The following MTHFD2L variants were observed in gnomAD, a reference collection of about 807,000 sequenced individuals.
The protein encoded by MTHFD2L is methylenetetrahydrofolate dehydrogenase (NADP+ dependent) 2 like.
A neutral mutation model predicts 34.9 loss-of-function variants in MTHFD2L; 29 were observed. That is an observed-to-expected ratio of 0.83 (90% CI 0.62 to 1.13). The LOEUF (loss-of-function observed/expected upper bound fraction) is 1.13, where lower values mean the gene tolerates loss of function less well. Among genes scored for constraint, MTHFD2L ranks in the 50% most tolerant of loss-of-function variants. MTHFD2L has a pLI of 0.00. For missense variants in MTHFD2L, 481 were observed against 446.5 expected (o/e 1.08, Z -0.70); for synonymous variants, 167 against 155.7 (o/e 1.07, Z -0.54).
At chr4:74,121,067 A>G (rs1721745661), upstream of MTHFD2L, among the ~76,000 whole-genome samples, 1 of 152,202 alleles carries the variant, frequency 6.6e-6, no homozygotes. Flanking sequence ...AAAATTAGCA[A>G]AGATTTTGAA....
At chr4:74,274,561 G>C (rs1428895143) in intron 6 of MTHFD2L, among the ~76,000 whole-genome samples, 1 of 152,182 alleles carries the variant, frequency 6.6e-6, no homozygotes, top group African/African-American at 2.4e-5. Flanking sequence ...GATCTTTGTG[G>C]ATCTTTAAGA....
chr4:74,170,779 C>T (rs1727767247), intron 1 of MTHFD2L, among the ~76,000 whole-genome samples: 1 of 151,684 alleles, frequency 6.6e-6, no homozygotes, highest in Admixed American at 6.6e-5. Context: ...ACATATACAC[C>T]ATGGGCTACT....
chr4:74,231,313 C>T (rs571233585), intron 6 of MTHFD2L, among the ~76,000 whole-genome samples: 2 of 152,184 alleles, frequency 1.3e-5, no homozygotes, highest in East Asian at 3.9e-4. Flanking sequence ...ATTTCCTCCT[C>T]CTTGAAACAG....
At chr4:74,260,684 T>C (rs889045653) in intron 6 of MTHFD2L, among the ~76,000 whole-genome samples, 1 of 152,022 alleles carries the variant, frequency 6.6e-6, no homozygotes, top group East Asian at 1.9e-4. Context: ...AACAGAAACA[T>C]TATTTCATTC....
At chr4:74,154,848 T>C (rs1442222107), upstream of MTHFD2L, among the ~76,000 whole-genome samples, 2 of 152,168 alleles carry the variant, frequency 1.3e-5, no homozygotes, top group Non-Finnish European at 2.9e-5. Context: ...TATATGTATG[T>C]AAACTAACTC....
At chr4:74,160,306 A>T (rs542271313) in intron 1 of MTHFD2L, 8 of 320,074 alleles carry the variant, frequency 2.5e-5, no homozygotes, top group South Asian at 2.1e-4. Flanking sequence ...TTAAATTAAC[A>T]GATTTATCAC....
intron 1 of MTHFD2L, among the ~76,000 whole-genome samples, chr4:74,129,668 A>C (rs1387227020): frequency 2.6e-5 from 4 of 152,170 alleles, no homozygotes; most frequent in Non-Finnish European, 1.5e-5. Flanking sequence ...ATTACAATTA[A>C]GAGAACTGGA....
At chr4:74,201,223 G>C in intron 4 of MTHFD2L, 40 bp from the exon 5 acceptor site, 2 of 1,473,684 alleles carry the variant, frequency 1.4e-6, no homozygotes, top group Non-Finnish European at 1.9e-6. Flanking sequence ...TTTACTTCTT[G>C]TTGTCAATTC....
intron 6 of MTHFD2L, among the ~76,000 whole-genome samples, chr4:74,250,303 T>G (rs984956344): frequency 1.3e-5 from 2 of 152,244 alleles, no homozygotes; most frequent in Non-Finnish European, 2.9e-5. Flanking sequence ...CACTCTCTAA[T>G]TTAATTCATG....
At chr4:74,236,812 A>T (rs943212110) in intron 6 of MTHFD2L, among the ~76,000 whole-genome samples, 5 of 152,216 alleles carry the variant, frequency 3.3e-5, no homozygotes, top group Non-Finnish European at 5.9e-5. Context: ...CTTCATCAAG[A>T]GACTCCAATA....
intron 1 of MTHFD2L, among the ~76,000 whole-genome samples, chr4:74,164,088 G>A (rs928452403): frequency 4.6e-5 from 7 of 152,122 alleles, no homozygotes; most frequent in Non-Finnish European, 1.0e-4. Context: ...TGTTAGCCAG[G>A]ATGCGTCTTG....
chr4:74,126,392 T>C (rs1310187263), intron 1 of MTHFD2L, among the ~76,000 whole-genome samples: 1 of 152,140 alleles, frequency 6.6e-6, no homozygotes, highest in Non-Finnish European at 1.5e-5. Context: ...TTTTGGTGAA[T>C]CTGTGAGTGA....
rs776625108 is a variant in MTHFD2L at position 74,225,394 on chromosome 4, G to A, written c.805G>A (p.Gly269Ser). Residue 269 changes from glycine (G) to serine (S), a missense_variant and splice_region_variant, in exon 6 of 8, where the codon GGT (glycine) becomes AGT (serine). By Grantham distance (56) the Gly-to-Ser change is moderately conservative. Coordinates refer to ENST00000325278, the MANE Select transcript of MTHFD2L (RefSeq NM_001144978.3). ...QLADIIIVAA[G>S]IPKLITSDMV... The stretch of plus-strand genomic sequence containing the variant: ...GGCAGATATTATCATAGTTGCTGCA[G>A]GTAAGTCCTTAGTGACTGTTATTTT... 3.1e-6 allele frequency: 5 copies of A among 1,611,562 alleles called. No individual in the cohort carries two copies. The highest frequency in any genetic ancestry group is 1.1e-5 in the South Asian group (1 of 90,918).
chr4:74,214,307 T>G (rs1736827833), intron 5 of MTHFD2L, among the ~76,000 whole-genome samples: 1 of 151,866 alleles, frequency 6.6e-6, no homozygotes, highest in Non-Finnish European at 1.5e-5. Context: ...TTTTGGAATT[T>G]TCAGCCTTTT....
At position 74,232,682 on chromosome 4, in the gene MTHFD2L, A is replaced by G. The variant is rs189014670; in HGVS notation, c.805+7288A>G. On this transcript the variant is annotated intron_variant, in intron 6 of 7. Coordinates refer to ENST00000325278, the MANE Select transcript of MTHFD2L (RefSeq NM_001144978.3). ...ACCTTAATCCCAACCAAAGTGAAAT[A>G]AGGTAAACAATTTGATGTTTGACCT... Among the ~76,000 whole-genome samples the G allele has an allele frequency of 2.6e-4, 40 of 152,284 alleles. 1 individual carries two copies. The highest frequency in any genetic ancestry group is 9.1e-4 in the African/African-American group (38 of 41,572).
intron 6 of MTHFD2L, among the ~76,000 whole-genome samples, chr4:74,253,625 C>T (rs912582764): frequency 2.6e-5 from 4 of 152,168 alleles, no homozygotes; most frequent in Non-Finnish European, 5.9e-5. Flanking sequence ...GGCCACCTCC[C>T]ACAAGCATCA....
At chr4:74,259,285 C>T (rs1036130527) in intron 6 of MTHFD2L, among the ~76,000 whole-genome samples, 1 of 152,186 alleles carries the variant, frequency 6.6e-6, no homozygotes, top group Non-Finnish European at 1.5e-5. Flanking sequence ...ACCCAGCACC[C>T]ACTCATAGGG....
chr4:74,148,821 G>T (rs1473879516), intron 1 of MTHFD2L, among the ~76,000 whole-genome samples: 1 of 151,740 alleles, frequency 6.6e-6, no homozygotes, highest in African/African-American at 2.4e-5. Flanking sequence ...AATAAACGGA[G>T]AAATCACTGG....
chr4:74,125,802 T>A (rs1342358889), intron 1 of MTHFD2L, among the ~76,000 whole-genome samples: 1 of 152,138 alleles, frequency 6.6e-6, no homozygotes, highest in Non-Finnish European at 1.5e-5. Flanking sequence ...CTCTTTTAAT[T>A]TATGGTTTTA....
Sources: allele counts gnomAD v4.1 joint callset (sites outside exome capture counted in the v4.1 genomes callset), GRCh38; gene constraint gnomAD v4.1.1; transcripts MANE v1.5; gene names NCBI Gene and HGNC (gene_info 2026-07-23, HGNC 2026-07-21).